The following RAP1GAP2 variants were observed in gnomAD, a reference collection of about 807,000 sequenced individuals.
The protein encoded by RAP1GAP2 is RAP1 GTPase activating protein 2, also known as rap1 GTPase-activating protein 2.
RAP1GAP2 carries 27 observed loss-of-function variants against 95.0 expected under a neutral mutation model. The ratio of observed to expected loss-of-function variants is 0.28; its 90% CI spans 0.21 to 0.39. The LOEUF is 0.39. RAP1GAP2 is among the 10% of genes least tolerant of loss of function. The pLI is 1.00. For missense variants in RAP1GAP2, 771 were observed against 970.0 expected (o/e 0.79, Z 2.72); for synonymous variants, 373 against 380.9 (o/e 0.98, Z 0.24).
intron 2 of RAP1GAP2, among the ~76,000 whole-genome samples, chr17:2,885,615 C>T (rs1012413255): frequency 2.0e-5 from 3 of 152,340 alleles, no homozygotes; most frequent in Middle Eastern, 3.4e-3. Flanking sequence ...CCTCGCATCC[C>T]ACCACGTACA....
intron 17 of RAP1GAP2, among the ~76,000 whole-genome samples, chr17:3,014,545 ATTTTTTTTT>A (rs10542901): frequency 3.8e-5 from 4 of 105,092 alleles, no homozygotes; most frequent in Admixed American, 3.1e-4. Flanking sequence ...AAAGATGCTG[ATTTTTTTTT>A]TTTTTTTTTT....
At chr17:2,840,706 A>C (rs182797275) in intron 2 of RAP1GAP2, among the ~76,000 whole-genome samples, 302 of 152,284 alleles carry the variant, frequency 2.0e-3, no homozygotes, top group African/African-American at 6.7e-3. Flanking sequence ...TGATGTGAAC[A>C]TAAAGTCTTG....
chr17:2,806,095 G>A (rs2069504288), intron 2 of RAP1GAP2, among the ~76,000 whole-genome samples: 2 of 152,340 alleles, frequency 1.3e-5, no homozygotes, highest in South Asian at 4.1e-4. Context: ...GACGGGGAGG[G>A]CCTGGAGGAG....
In RAP1GAP2 at chr17:2,871,816, A is replaced by G. The variant is rs948962836; in HGVS notation, c.81-33468A>G. On this transcript the variant is annotated intron_variant, in intron 2 of 24. Coordinates refer to ENST00000254695, the MANE Select transcript of RAP1GAP2 (RefSeq NM_015085.5). This position sits in a 1 kb window ranked among gnomAD's most constrained non-coding sequence, Gnocchi z 5.0. ...ACGTGGAATGACGTAGAATGAGGTC[A>G]TTCACGGCAATATTATTTGAAATAG... Among the ~76,000 whole-genome samples, 4 of 152,234 alleles carry G rather than the reference A, an allele frequency of 2.6e-5. No homozygotes were observed. The highest frequency in any genetic ancestry group is 6.5e-5 in the Admixed American group (1 of 15,284).
At position 3,036,829 on chromosome 17, in the gene RAP1GAP2, T is replaced by C. The variant is rs770375257; in HGVS notation, c.*3468T>C. On this transcript the variant is annotated 3_prime_UTR_variant, in exon 25 of 25. Transcript: ENST00000254695. The stretch of plus-strand genomic sequence containing the variant: ...AGGCAGGACAAGAGCCTGTTTCGCT[T>C]TCCTCCCTGACCCTGCCAGGTGCCA... 1.3e-5 allele frequency: 2 copies of C among 152,656 alleles called. No homozygotes were observed. The highest frequency in any genetic ancestry group is 2.9e-5 in the Non-Finnish European group (2 of 68,040). The allele number at this position is 152,656 out of a possible 1,614,324, so 9.5% of individuals were successfully genotyped here. A position where few individuals can be genotyped will look rare whatever the true frequency, so the allele number is the denominator to read the frequency against.
intron 9 of RAP1GAP2, 100 bp from the exon 10 acceptor site, chr17:2,981,095 G>C (rs2045340168): frequency 1.8e-6 from 2 of 1,117,530 alleles, no homozygotes; most frequent in Non-Finnish European, 1.3e-6. Flanking sequence ...CCTGACCCAT[G>C]TGCCTCGCCC....
At chr17:2,843,077 C>G (rs1011265438) in intron 2 of RAP1GAP2, among the ~76,000 whole-genome samples, 2 of 151,962 alleles carry the variant, frequency 1.3e-5, no homozygotes, top group Non-Finnish European at 2.9e-5. Context: ...TGGTGTGGGG[C>G]AAATAGACAA....
chr17:2,760,517 T>C (rs2071224641), intron 1 of RAP1GAP2, among the ~76,000 whole-genome samples: 1 of 150,230 alleles, frequency 6.7e-6, no homozygotes, highest in African/African-American at 2.4e-5. Context: ...ATTTTTGTAT[T>C]TTTAGTAGAG....
intron 2 of RAP1GAP2, among the ~76,000 whole-genome samples, chr17:2,848,481 T>C (rs568657918): frequency 7.0e-6 from 1 of 141,904 alleles, no homozygotes; most frequent in East Asian, 2.0e-4. Context: ...AGAGTTTTCC[T>C]GCATCTCTCT....
rs1259583515 is a variant in RAP1GAP2 at position 2,781,625 on chromosome 17, T to TCTCTGTGTGAGCACGA, written c.-14+4362_-14+4363insACTCTGTGTGAGCACG. Reference sequence around the variant, plus strand: ...GTGTGCAGGTCTCTGTGTGAGCACGTCTCTGTGTGAGCACGTCTCTGTGTG... The same window carrying TCTCTGTGTGAGCACGA: ...GTGTGCAGGTCTCTGTGTGAGCACGTCTCTGTGTGAGCACGACTCTGTGTGAGCACGTCTCTGTGTG... On this transcript the variant is annotated intron_variant, in intron 1 of 24. Transcript: ENST00000540393. Among the ~76,000 whole-genome samples, 10 of 149,148 alleles carry TCTCTGTGTGAGCACGA rather than the reference T, an allele frequency of 6.7e-5. No homozygotes were observed. In the East Asian group the frequency reaches 1.4e-3, roughly 21 times the overall value.
In RAP1GAP2 at chr17:2,949,336, G is replaced by C. The variant is rs1429540590; in HGVS notation, c.166-8423G>C. Among the ~76,000 whole-genome samples the C allele has an allele frequency of 2.0e-5, 3 of 152,228 alleles. No individual in the cohort carries two copies. The East Asian group carries it at 5.8e-4, about 29-fold the overall frequency. On this transcript the variant is annotated intron_variant, in intron 3 of 24. Transcript: ENST00000254695. ...AGCGGCTGGCTTCCTGGTGGATGGA[G>C]ACCCCTTCCGGAGGCTGTCCCGGGC...
chr17:2,899,736 C>T (rs1462982175), intron 2 of RAP1GAP2, among the ~76,000 whole-genome samples: 6 of 152,088 alleles, frequency 3.9e-5, no homozygotes, highest in African/African-American at 1.4e-4. Context: ...TTCTTGAACT[C>T]CTGACCTCAG....
At chr17:2,791,923 G>A (rs1567651178), upstream of RAP1GAP2, among the ~76,000 whole-genome samples, 1 of 148,344 alleles carries the variant, frequency 6.7e-6, no homozygotes, top group East Asian at 2.0e-4. Flanking sequence ...GCAATGTCAC[G>A]GTCTTGGCTC....
chr17:2,995,653 C>T (rs934524922), intron 13 of RAP1GAP2, among the ~76,000 whole-genome samples, 187 bp downstream of exon 13: 2 of 152,226 alleles, frequency 1.3e-5, no homozygotes, highest in African/African-American at 4.8e-5. Flanking sequence ...CTCAGCGGTC[C>T]GTTCTGTTGT....
intron 19 of RAP1GAP2, among the ~76,000 whole-genome samples, chr17:3,022,565 T>TA (rs904948424): frequency 1.3e-5 from 2 of 152,238 alleles, no homozygotes; most frequent in African/African-American, 4.8e-5. Context: ...TTCTTGCCCT[T>TA]AAAAAAATCA....
At chr17:2,967,347 G>A (rs1390032671) in intron 8 of RAP1GAP2, among the ~76,000 whole-genome samples, 1 of 152,066 alleles carries the variant, frequency 6.6e-6, no homozygotes, top group Non-Finnish European at 1.5e-5. Context: ...CTCCAGCCTG[G>A]GCGACAGAGT....
chr17:2,995,584 C>T (rs961869316), intron 13 of RAP1GAP2, 118 bp downstream of exon 13: 39 of 1,360,884 alleles, frequency 2.9e-5, no homozygotes, highest in Admixed American at 8.6e-5. Flanking sequence ...GCCGGCCATT[C>T]GTTCAGCTGC....
At chr17:2,893,893 G>GC (rs1418982731) in intron 2 of RAP1GAP2, among the ~76,000 whole-genome samples, 1 of 152,206 alleles carries the variant, frequency 6.6e-6, no homozygotes, top group Non-Finnish European at 1.5e-5. Context: ...CTTGGCACGC[G>GC]CTCTTCCCTG....
At chr17:2,805,143 T>C (rs1382763489) in intron 2 of RAP1GAP2, among the ~76,000 whole-genome samples, 1 of 152,118 alleles carries the variant, frequency 6.6e-6, no homozygotes, top group Non-Finnish European at 1.5e-5. Context: ...AATCAACATG[T>C]GTCATCATGG....
Sources: gnomAD v4.1 joint callset for allele counts (sites outside exome capture counted in the v4.1 genomes callset) on GRCh38, gnomAD v4.1.1 for gene constraint, Gnocchi (gnomAD v3.1) non-coding constraint, MANE v1.5 for transcripts, NCBI Gene and HGNC (gene_info 2026-07-23, HGNC 2026-07-21) for gene names.